The following ZNF507 variants were observed in gnomAD, a reference collection of about 807,000 sequenced individuals.
ZNF507 encodes the protein zinc finger protein 507.
In ZNF507, 29 loss-of-function variants were observed where a neutral mutation model predicts 80.0. That is an observed-to-expected ratio of 0.36 (90% CI 0.27 to 0.49). ZNF507 has a LOEUF of 0.49. ZNF507 is among the 20% of genes least tolerant of loss of function. The probability of loss-of-function intolerance (pLI) is 0.98; values close to 1 mark genes in which losing one functional copy is unlikely to be tolerated. For missense variants in ZNF507, 1,081 were observed against 1,152.2 expected (o/e 0.94, Z 0.90); for synonymous variants, 462 against 422.5 (o/e 1.09, Z -1.15).
chr19:32,374,764 G>C (rs900466774), intron 5 of ZNF507, among the ~76,000 whole-genome samples: 2 of 152,098 alleles, frequency 1.3e-5, no homozygotes, highest in African/African-American at 2.4e-5. Flanking sequence ...TTACAGGCAT[G>C]AGCCACCACA....
At chr19:32,351,045 CTT>C (rs1461310716) in intron 2 of ZNF507, among the ~76,000 whole-genome samples, 6 of 152,316 alleles carry the variant, frequency 3.9e-5, no homozygotes, top group African/African-American at 9.6e-5. Context: ...TCTAAAAAGA[CTT>C]TTGTTCCTTC....
intron 3 of ZNF507, among the ~76,000 whole-genome samples, chr19:32,356,313 C>T (rs949049192): frequency 1.3e-5 from 2 of 152,112 alleles, no homozygotes; most frequent in East Asian, 1.9e-4. Flanking sequence ...CTGCTCGTTC[C>T]TCCTCTGGGC....
intron 2 of ZNF507, among the ~76,000 whole-genome samples, chr19:32,352,499 G>A (rs1184464101): frequency 6.9e-6 from 1 of 145,768 alleles, no homozygotes; most frequent in African/African-American, 2.5e-5. Context: ...TTGGCATTGT[G>A]CAAAAGGGAG....
In ZNF507 at chr19:32,354,301, C is replaced by A; in HGVS notation, c.1471C>A (p.Arg491=). Reference sequence around the variant, plus strand: ...GAGAAGGACAAATTCTGAGTCTCTTCGATTACACTCATTAGCTGCAGAAGC... The same window carrying A: ...GAGAAGGACAAATTCTGAGTCTCTTAGATTACACTCATTAGCTGCAGAAGC... ...GRRRTNSESL[R]LHSLAAEALV... The change falls in exon 3 of 7, where the codon CGA becomes AGA. Residue 491 remains arginine, a synonymous_variant. Transcript: ENST00000355898. 2 of 1,614,102 alleles carry A rather than the reference C, an allele frequency of 1.2e-6. No individual in the cohort carries two copies. The highest frequency in any genetic ancestry group is 2.2e-5 in the East Asian group (1 of 44,878).
intron 3 of ZNF507, among the ~76,000 whole-genome samples, chr19:32,355,159 CCTGCCTG>C (rs779343405): frequency 2.0e-4 from 30 of 152,104 alleles, no homozygotes; most frequent in Non-Finnish European, 4.3e-4. Flanking sequence ...AATCCTTTTC[CCTGCCTG>C]CTGCCTCCTT....
At chr19:32,346,412 G>A (rs146392429) in intron 1 of ZNF507, among the ~76,000 whole-genome samples, 27 of 152,298 alleles carry the variant, frequency 1.8e-4, no homozygotes, top group African/African-American at 6.0e-4. Context: ...CCCCAAGGCG[G>A]TATTTTTAAG....
At chr19:32,352,474 CTT>C (rs34217641) in intron 2 of ZNF507, among the ~76,000 whole-genome samples, 2 of 146,342 alleles carry the variant, frequency 1.4e-5, no homozygotes, top group South Asian at 2.2e-4. Context: ...GAATAGGAGT[CTT>C]TTTTTTTTTT....
chr19:32,346,367 C>T (rs1437970647), intron 1 of ZNF507, among the ~76,000 whole-genome samples: 1 of 152,106 alleles, frequency 6.6e-6, no homozygotes, highest in East Asian at 1.9e-4. Flanking sequence ...TGTAGAAGGC[C>T]GGGATGATTA....
chr19:32,365,761 T>C (rs771689484), intron 5 of ZNF507, among the ~76,000 whole-genome samples: 7 of 152,138 alleles, frequency 4.6e-5, no homozygotes, highest in Non-Finnish European at 1.0e-4. Context: ...GAAATACAAC[T>C]GTACTGTGCT....
At chr19:32,364,500 C>T (rs1967370582) in intron 5 of ZNF507, among the ~76,000 whole-genome samples, 1 of 152,062 alleles carries the variant, frequency 6.6e-6, no homozygotes, top group African/African-American at 2.4e-5. Context: ...CACTCTTTCC[C>T]CCCAAGTCCC....
chr19:32,349,642 C>A (rs949504475), intron 2 of ZNF507, among the ~76,000 whole-genome samples: 3 of 152,038 alleles, frequency 2.0e-5, no homozygotes, highest in Non-Finnish European at 2.9e-5. Flanking sequence ...TTGTTTGTTA[C>A]ACACACACAC....
intron 5 of ZNF507, among the ~76,000 whole-genome samples, chr19:32,371,137 T>C (rs182121064): frequency 1.3e-5 from 2 of 152,248 alleles, no homozygotes; most frequent in African/African-American, 4.8e-5. Flanking sequence ...TTCTATCATT[T>C]CTCCTTTTTC....
At chr19:32,366,742 T>A (rs554261686) in intron 5 of ZNF507, among the ~76,000 whole-genome samples, 1 of 152,370 alleles carries the variant, frequency 6.6e-6, no homozygotes, top group African/African-American at 2.4e-5. Flanking sequence ...GGGGTGGAAT[T>A]TCTTGGTAAT....
At chr19:32,358,534 C>G (rs1967280865) in intron 4 of ZNF507, 1 of 152,204 alleles carries the variant, frequency 6.6e-6, no homozygotes, top group Admixed American at 6.5e-5. Context: ...GAATCCAACT[C>G]AGTGAAGAAG....
At chr19:32,346,972 C>A (rs1404254200) in intron 1 of ZNF507, among the ~76,000 whole-genome samples, 1 of 152,154 alleles carries the variant, frequency 6.6e-6, no homozygotes, top group Non-Finnish European at 1.5e-5. Context: ...AGTGTTGAGT[C>A]CAGTACCTAA....
chr19:32,379,449 T>C (rs1451272949), intron 5 of ZNF507, among the ~76,000 whole-genome samples: 1 of 152,198 alleles, frequency 6.6e-6, no homozygotes, highest in Non-Finnish European at 1.5e-5. Flanking sequence ...TTTAATGAAA[T>C]GTCAAACATT....
Position 32,353,448 on chromosome 19 carries a change from A to G in ZNF507, c.618A>G (p.Glu206=). Residue 206 remains glutamate (E), a synonymous_variant, in exon 3 of 7, where the codon GAA becomes GAG. Coordinates refer to ENST00000355898, the MANE Select transcript of ZNF507 (RefSeq NM_001136156.2). ...PSSSLCRKTT[E]RNETIPDIPV... ...GCTCTTTGTGTCGGAAAACCACAGA[A>G]AGAAATGAAACCATTCCAGATATCC... The G allele has an allele frequency of 6.2e-7, 1 of 1,614,240 alleles. No homozygotes were observed. The highest frequency in any genetic ancestry group is 8.5e-7 in the Non-Finnish European group (1 of 1,180,046).
chr19:32,360,360 C>T (rs963432645), intron 4 of ZNF507, 144 bp from the exon 5 acceptor site: 2 of 464,770 alleles, frequency 4.3e-6, no homozygotes, highest in Non-Finnish European at 7.5e-6. Flanking sequence ...AAAACCACTT[C>T]AGACTTGTTA....
At position 32,352,852 on chromosome 19, in the gene ZNF507, G is replaced by A; in HGVS notation, c.22G>A (p.Ala8Thr). 6 of 1,589,192 alleles carry A rather than the reference G, an allele frequency of 3.8e-6. No homozygotes were observed. Among genetic ancestry groups the A allele is most frequent in the Non-Finnish European group, 5.1e-6 (6 of 1,171,132 alleles). The part of the protein sequence containing the change: MEESSSV[A>T]MLVPDIGEQE... The stretch of plus-strand genomic sequence containing the variant: ...AGATATGGAAGAAAGTAGCAGTGTT[G>A]CCATGTTGGTGCCAGATATTGGGGA... The change falls in exon 3 of 7, where the codon GCC (alanine) becomes ACC (threonine). Residue 8 changes from alanine (A) to threonine (T), a missense_variant. By Grantham distance (58) the Ala-to-Thr change is moderately conservative (BLOSUM62 0). Transcript: ENST00000355898.
Sources: allele counts gnomAD v4.1 joint callset (sites outside exome capture counted in the v4.1 genomes callset), GRCh38; gene constraint gnomAD v4.1.1; transcripts MANE v1.5; gene names NCBI Gene and HGNC (gene_info 2026-07-23, HGNC 2026-07-21).